Variants in RUNX1T1 observed in about 807,000 individuals in gnomAD.
RUNX1T1 encodes the protein RUNX1 partner transcriptional co-repressor 1, also known as protein CBFA2T1.
RUNX1T1 carries 4 observed loss-of-function variants against 62.8 expected under a neutral mutation model. The observed-to-expected ratio is 0.06, with a 90% CI of 0.03 to 0.15. The LOEUF is 0.15. RUNX1T1 is among the 10% of genes least tolerant of loss of function. RUNX1T1 has a pLI of 1.00. For missense variants in RUNX1T1, 508 were observed against 754.3 expected, an observed-to-expected ratio of 0.67 and a Z score of 3.82; for synonymous variants, 291 against 286.0, an observed-to-expected ratio of 1.02 and a Z score of -0.18.
At chr8:92,090,700 A>T (rs1836855725) in intron 1 of RUNX1T1, among the ~76,000 whole-genome samples, 1 of 152,202 alleles carries the variant, frequency 6.6e-6, no homozygotes, top group Non-Finnish European at 1.5e-5. Context: ...TATGCAGCCA[A>T]TTTTTCAGAG....
intron 6 of RUNX1T1, among the ~76,000 whole-genome samples, chr8:91,987,219 C>T (rs1187624021): frequency 6.6e-6 from 1 of 152,148 alleles, no homozygotes; most frequent in Non-Finnish European, 1.5e-5. Flanking sequence ...CATAAGGAGA[C>T]AGTTAAGTGA....
intron 2 of RUNX1T1, among the ~76,000 whole-genome samples, chr8:92,070,786 G>C (rs1385136147): frequency 6.6e-6 from 1 of 152,194 alleles, no homozygotes; most frequent in Non-Finnish European, 1.5e-5. Flanking sequence ...AACATTAATG[G>C]GAGGCACATA....
rs1277551333 is a variant in RUNX1T1, at chr8:91,959,416, G to C, written c.*826C>G. The stretch of plus-strand genomic sequence containing the variant: ...ACTGCAGGCTGAGTCTCTTACTTGT[G>C]TGTGTGTGTGTGTGTGTGTGTGTGT... On this transcript the variant is annotated 3_prime_UTR_variant, in exon 11 of 11. Transcript: ENST00000396218. The C allele has an allele frequency of 2.9e-3, 140 of 48,558 alleles. 6 individuals carry two copies. Among genetic ancestry groups the C allele is most frequent in the African/African-American group, 0.019 (133 of 7,072 alleles). 3.0% of individuals were successfully genotyped at this position (48,558 alleles called of 1,614,324 possible). A position where few individuals can be genotyped will look rare whatever the true frequency, so the allele number is the denominator to read the frequency against.
exon 6 of RUNX1T1, chr8:91,991,817 G>A (rs1817739212): frequency 6.2e-7 from 1 of 1,614,140 alleles, no homozygotes; most frequent in Non-Finnish European, 8.5e-7. Flanking sequence ...GCTGGCCTGG[G>A]CTAATAGTGC....
intron 5 of RUNX1T1, 35 bp downstream of exon 6, chr8:92,005,081 G>T (rs139698282): frequency 6.4e-7 from 1 of 1,550,826 alleles, no homozygotes. Context: ...ATGGGAAAAA[G>T]GTCATGGTTC....
intron 1 of RUNX1T1, among the ~76,000 whole-genome samples, chr8:92,052,028 T>C (rs930588416): frequency 1.3e-5 from 2 of 152,158 alleles, no homozygotes; most frequent in Non-Finnish European, 2.9e-5. Context: ...CAATCTATTT[T>C]ATCACAGGAG....
intron 1 of RUNX1T1, among the ~76,000 whole-genome samples, chr8:92,028,683 T>C (rs190251790): frequency 1.4e-4 from 22 of 152,284 alleles, no homozygotes; most frequent in Non-Finnish European, 2.6e-4. Context: ...CACAGGCAAA[T>C]AGCAAATGTC....
chr8:91,993,941 G>A (rs1356889347), intron 5 of RUNX1T1, among the ~76,000 whole-genome samples: 2 of 152,094 alleles, frequency 1.3e-5, no homozygotes, highest in East Asian at 1.9e-4. Context: ...GCAGTGAGCC[G>A]AGATTGTGCC....
chr8:92,062,760 C>A, exon 1 of RUNX1T1: 1 of 1,536,528 alleles, frequency 6.5e-7, no homozygotes, highest in Non-Finnish European at 8.7e-7. Flanking sequence ...GCACTTGGAG[C>A]AGAAATGTGG....
At chr8:92,001,547 C>T (rs1423615724) in intron 5 of RUNX1T1, among the ~76,000 whole-genome samples, 3 of 152,096 alleles carry the variant, frequency 2.0e-5, no homozygotes, top group Non-Finnish European at 2.9e-5. Flanking sequence ...AAGCGTTAAA[C>T]TGAGAGTAAT....
intron 1 of RUNX1T1, among the ~76,000 whole-genome samples, chr8:92,028,622 C>A (rs2131289799): frequency 6.6e-6 from 1 of 152,272 alleles, no homozygotes; most frequent in African/African-American, 2.4e-5. Flanking sequence ...TTTAAGATCT[C>A]ATTTAAAAAT....
chr8:92,101,097 G>A (rs184910574), upstream of RUNX1T1, among the ~76,000 whole-genome samples: 1 of 152,286 alleles, frequency 6.6e-6, no homozygotes, highest in Admixed American at 6.5e-5. Flanking sequence ...ATGCAAAGGA[G>A]GGCAATGATA....
At chr8:92,052,342 G>C (rs2130405876) in intron 1 of RUNX1T1, among the ~76,000 whole-genome samples, 1 of 152,236 alleles carries the variant, frequency 6.6e-6, no homozygotes, top group Admixed American at 6.5e-5. Context: ...AAGTCGAAAA[G>C]CACCCTCCCT....
At chr8:91,958,585 A>T, downstream of RUNX1T1, 2 of 183,834 alleles carry the variant, frequency 1.1e-5, no homozygotes, top group Non-Finnish European at 2.3e-5. Context: ...CTTTTTTTTT[A>T]AAGTAGGATA....
intron 1 of RUNX1T1, among the ~76,000 whole-genome samples, chr8:92,082,699 C>T (rs139693991): frequency 4.3e-4 from 66 of 152,288 alleles, no homozygotes; most frequent in African/African-American, 1.5e-3. Context: ...TGAGATGGAC[C>T]TACCTCACTG....
At chr8:92,062,648 G>C in exon 1 of RUNX1T1, 1 of 1,613,900 alleles carries the variant, frequency 6.2e-7, no homozygotes, top group Non-Finnish European at 8.5e-7. Context: ...TGGCAGCAGA[G>C]AGGAGGGCCA....
intron 1 of RUNX1T1, among the ~76,000 whole-genome samples, chr8:92,055,534 T>C (rs574556349): frequency 1.3e-5 from 2 of 152,294 alleles, no homozygotes; most frequent in East Asian, 1.9e-4. Flanking sequence ...CTTGAACTTC[T>C]GGATGCAAGC....
intron 1 of RUNX1T1, among the ~76,000 whole-genome samples, chr8:92,091,524 C>T (rs1837016113): frequency 6.6e-6 from 1 of 152,250 alleles, no homozygotes; most frequent in East Asian, 1.9e-4. Context: ...CAGGAATCTC[C>T]CCTGTTGGTG....
chr8:92,056,994 T>C (rs1371839928), intron 1 of RUNX1T1, among the ~76,000 whole-genome samples: 2 of 152,200 alleles, frequency 1.3e-5, no homozygotes, highest in African/African-American at 4.8e-5. Flanking sequence ...TTTGTTCCTG[T>C]ATCTTAATGT....
Sources: gnomAD v4.1 joint callset for allele counts (sites outside exome capture counted in the v4.1 genomes callset) on GRCh38, gnomAD v4.1.1 for gene constraint, MANE v1.5 for transcripts, NCBI Gene and HGNC (gene_info 2026-07-23, HGNC 2026-07-21) for gene names.